Variants in DMD observed in about 807,000 individuals in gnomAD.
The protein encoded by DMD is dystrophin.
A neutral mutation model predicts 330.1 loss-of-function variants in DMD; 63 were observed. The observed-to-expected ratio is 0.19, with a 90% CI of 0.16 to 0.24. The LOEUF (loss-of-function observed/expected upper bound fraction) is 0.24, where lower values mean the gene tolerates loss of function less well. DMD is among the 10% of genes least tolerant of loss of function. The pLI is 1.00. For missense variants in DMD, 3,344 were observed against 2,684.1 expected (o/e 1.25, Z -5.43); for synonymous variants, 1,223 against 959.8 (o/e 1.27, Z -5.07).
Position 32,539,050 on chromosome X carries a change from C to T in DMD, c.2168+6109G>A, listed in dbSNP as rs144772708. Among the ~76,000 whole-genome samples the T allele has an allele frequency of 5.8e-3, 650 of 111,505 alleles. 7 individuals are homozygous for T. Among genetic ancestry groups the T allele is most frequent in the African/African-American group, 0.02 (626 of 30,705 alleles). ...ATAGCATTCTCTAGAATTCACATTA[C>T]TATATTCTTCAAAACACTGCTATTG... is the stretch of plus-strand genomic sequence containing the variant. On this transcript the variant is annotated intron_variant, in intron 17 of 78. Coordinates refer to ENST00000357033, the MANE Select transcript of DMD (RefSeq NM_004006.3).
intron 1 of DMD, among the ~76,000 whole-genome samples, chrX:33,179,701 A>T (rs1569557634): frequency 1.8e-5 from 2 of 110,791 alleles, no homozygotes; most frequent in Non-Finnish European, 3.8e-5. Context: ...CTCAAAAAAA[A>T]AAAAAGAAAG....
chrX:31,893,742 T>A (rs1035378294), intron 47 of DMD, among the ~76,000 whole-genome samples: 1 of 110,351 alleles, frequency 9.1e-6, no homozygotes, highest in African/African-American at 3.3e-5. Flanking sequence ...ATTACACTAG[T>A]GCTGCATGCA....
At chrX:33,336,233 CTT>C (rs1309028539) in intron 1 of DMD, among the ~76,000 whole-genome samples, 1 of 87,568 alleles carries the variant, frequency 1.1e-5, no homozygotes. Context: ...ACAGTTCTGA[CTT>C]TTTTTTTTTT....
At chrX:31,593,089 A>G (rs969625770) in intron 55 of DMD, among the ~76,000 whole-genome samples, 1 of 111,211 alleles carries the variant, frequency 9.0e-6, no homozygotes, top group Non-Finnish European at 1.9e-5. Context: ...GGGTTGAAGA[A>G]GTTATAAGGG....
Position 33,046,902 on chromosome X carries a change from C to T in DMD, c.32-26702G>A, listed in dbSNP as rs748686779. On this transcript the variant is annotated intron_variant, in intron 1 of 78. Transcript: ENST00000357033. ...TTATGCACTTTTTAAGTTTAATCTT[C>T]GTGTTAATCCACATTACATATGAGG... Among the ~76,000 whole-genome samples the T allele has an allele frequency of 9.8e-5, 11 of 111,932 alleles. No homozygotes were observed. The South Asian group carries it at 1.1e-3, about 11-fold the overall frequency.
intron 2 of DMD, among the ~76,000 whole-genome samples, chrX:32,876,109 T>C (rs2083356747): frequency 8.9e-6 from 1 of 111,763 alleles, no homozygotes; most frequent in African/African-American, 3.2e-5. Flanking sequence ...AGACAATATA[T>C]CCCAAATACA....
intron 1 of DMD, among the ~76,000 whole-genome samples, chrX:33,025,370 A>G (rs2093976608): frequency 9.0e-6 from 1 of 111,643 alleles, no homozygotes; most frequent in African/African-American, 3.3e-5. Context: ...GCATGGAATG[A>G]AATTGCAATG....
chrX:32,544,856 AAAAG>A (rs903856082), intron 17 of DMD, among the ~76,000 whole-genome samples: 1 of 110,622 alleles, frequency 9.0e-6, no homozygotes, highest in African/African-American at 3.3e-5. Flanking sequence ...AGAAAAAAAA[AAAAG>A]AAAGAAAGAA....
At chrX:31,510,801 A>G (rs769022872) in intron 55 of DMD, among the ~76,000 whole-genome samples, 82 of 110,084 alleles carry the variant, frequency 7.4e-4, no homozygotes, top group African/African-American at 1.8e-3. Context: ...GAGCCACCAC[A>G]CCTGGCCCTG....
intron 52 of DMD, among the ~76,000 whole-genome samples, chrX:31,703,911 A>T (rs764652499): frequency 9.0e-6 from 1 of 111,676 alleles, no homozygotes; most frequent in Non-Finnish European, 1.9e-5. Flanking sequence ...AAAATAAAAT[A>T]TATTTTAGAC....
chrX:32,035,534 C>A (rs779642759), intron 44 of DMD: 4 of 303,708 alleles, frequency 1.3e-5, no homozygotes, highest in South Asian at 9.2e-5. Flanking sequence ...TTCTAGTAGG[C>A]AATTGCATGA....
At chrX:32,723,402 T>G (rs1013609252) in intron 7 of DMD, among the ~76,000 whole-genome samples, 1 of 111,479 alleles carries the variant, frequency 9.0e-6, no homozygotes, top group South Asian at 3.7e-4. Flanking sequence ...CGGTGTCTGT[T>G]TGACTTTCGT....
intron 13 of DMD, among the ~76,000 whole-genome samples, chrX:32,581,037 T>G (rs2053600380): frequency 1.8e-5 from 2 of 111,066 alleles, no homozygotes; most frequent in Admixed American, 1.9e-4. Context: ...TGTTGGCTGG[T>G]CTCATCTCAA....
intron 4 of DMD, among the ~76,000 whole-genome samples, chrX:32,830,457 G>A (rs1242205222): frequency 9.0e-6 from 1 of 111,381 alleles, no homozygotes; most frequent in Non-Finnish European, 1.9e-5. Context: ...AATATGACAT[G>A]TATGTTAATG....
At chrX:32,766,842 A>G (rs2073053485) in intron 7 of DMD, among the ~76,000 whole-genome samples, 1 of 111,696 alleles carries the variant, frequency 9.0e-6, no homozygotes, top group South Asian at 3.7e-4. Context: ...TCCACATTGT[A>G]TTCATAAATT....
At chrX:32,628,306 A>T (rs1473262683) in intron 11 of DMD, among the ~76,000 whole-genome samples, 1 of 64,691 alleles carries the variant, frequency 1.5e-5, no homozygotes. Flanking sequence ...AAGCTCTCAC[A>T]AGTAAGTGAG....
At chrX:32,049,425 G>A (rs2096089768) in intron 44 of DMD, among the ~76,000 whole-genome samples, 2 of 111,505 alleles carry the variant, frequency 1.8e-5, no homozygotes, top group Admixed American at 1.9e-4. Context: ...ATAAGTGCTA[G>A]TGCATATATA....
intron 62 of DMD, among the ~76,000 whole-genome samples, chrX:31,267,321 A>T (rs1217679248): frequency 8.9e-6 from 1 of 111,826 alleles, no homozygotes; most frequent in African/African-American, 3.3e-5. Context: ...GAAAAAAATT[A>T]TATACATAAT....
At chrX:31,819,474 A>AAGG (rs202043056) in intron 50 of DMD, among the ~76,000 whole-genome samples, 14,508 of 111,830 alleles carry the variant, frequency 0.13, 685 homozygotes, top group Admixed American at 0.19. Flanking sequence ...TGCTAGGAAT[A>AAGG]TTGGTTGTTA....
Sources: allele counts gnomAD v4.1 joint callset (sites outside exome capture counted in the v4.1 genomes callset), GRCh38; gene constraint gnomAD v4.1.1; transcripts MANE v1.5; gene names NCBI Gene and HGNC (gene_info 2026-07-23, HGNC 2026-07-21).